MAP3K4: variants seen among roughly 807,000 people sequenced by gnomAD.
MAP3K4 encodes the protein MAP three kinase 1.
In MAP3K4, 67 loss-of-function variants were observed where a neutral mutation model predicts 185.6. That is an observed-to-expected ratio of 0.36 (90% confidence interval 0.30 to 0.44). MAP3K4 has a LOEUF of 0.44. Ranked by LOEUF, MAP3K4 falls within the 20% of genes least tolerant of loss-of-function variation. The pLI is 1.00. For missense variants in MAP3K4, 1,551 were observed against 1,995.1 expected (o/e 0.78, Z 4.24); for synonymous variants, 702 against 710.4 (o/e 0.99, Z 0.19).
At chr6:161,085,957 A>T (rs938077548) in intron 7 of MAP3K4, among the ~76,000 whole-genome samples, 12 of 152,184 alleles carry the variant, frequency 7.9e-5, no homozygotes, top group African/African-American at 2.9e-4. Flanking sequence ...TATTTACACC[A>T]CAGAAATCGG....
At chr6:161,047,227 G>A (rs1783772531) in intron 2 of MAP3K4, among the ~76,000 whole-genome samples, 1 of 149,176 alleles carries the variant, frequency 6.7e-6, no homozygotes. Context: ...GATTGTTTGA[G>A]CCCAGGAATT....
intron 2 of MAP3K4, among the ~76,000 whole-genome samples, chr6:161,038,252 G>A (rs1783275607): frequency 1.3e-5 from 2 of 152,160 alleles, no homozygotes; most frequent in African/African-American, 4.8e-5. Flanking sequence ...TCATCTGGAT[G>A]CACACAGGAG....
intron 1 of MAP3K4, among the ~76,000 whole-genome samples, chr6:161,023,857 A>G (rs972146544): frequency 5.9e-5 from 9 of 152,240 alleles, no homozygotes; most frequent in African/African-American, 1.4e-4. Context: ...TTAGTCTTTT[A>G]TACCTGTACA....
rs971558252 is a variant in MAP3K4 at position 161,053,684 on chromosome 6, C to T, written c.1707+3705C>T. On this transcript the variant is annotated intron_variant, in intron 3 of 26. Transcript: ENST00000392142. This position sits in a 1 kb window ranked among gnomAD's most constrained non-coding sequence, Gnocchi z 4.2. Reference sequence around the variant, plus strand: ...TCGGCTCACTGCAACCTCTGTCTCCCGGGTTCAGGCAATTCTCCTGTCTCA... The same window carrying T: ...TCGGCTCACTGCAACCTCTGTCTCCTGGGTTCAGGCAATTCTCCTGTCTCA... Among the ~76,000 whole-genome samples the T allele has an allele frequency of 6.6e-5, 10 of 150,770 alleles. No homozygotes were observed. Among genetic ancestry groups the T allele is most frequent in the Admixed American group, 1.3e-4 (2 of 15,178 alleles).
At chr6:161,089,222 G>A in intron 10 of MAP3K4, 100 bp from the exon 11 acceptor site, 2 of 1,300,484 alleles carry the variant, frequency 1.5e-6, no homozygotes, top group South Asian at 2.8e-5. Flanking sequence ...TGTTGGCCTG[G>A]TATCCCTGAG....
rs1784013160 is a variant in MAP3K4, at chr6:161,051,784, C to T, written c.1707+1805C>T. Reference sequence around the variant, plus strand: ...TATGCTTTAAATCATCTATAGATTACTTATAATACCTAATACAATGTAAAT... The same window carrying T: ...TATGCTTTAAATCATCTATAGATTATTTATAATACCTAATACAATGTAAAT... On this transcript the variant is annotated intron_variant, in intron 3 of 26. Transcript: ENST00000392142. The surrounding 1 kb of genome is among the most constrained non-coding windows in gnomAD (Gnocchi z 4.2). Among the ~76,000 whole-genome samples, 1 of 152,120 alleles carries T rather than the reference C, an allele frequency of 6.6e-6. No individual in the cohort carries two copies. Among genetic ancestry groups the T allele is most frequent in the Non-Finnish European group, 1.5e-5 (1 of 68,024 alleles).
Position 161,098,349 on chromosome 6 carries a change from C to T in MAP3K4, c.3596C>T (p.Ala1199Val), listed in dbSNP as rs146403419. Residue 1199 changes from alanine to valine, a missense_variant, in exon 17 of 27, where the codon GCT becomes GTT. Physicochemically the swap from Ala to Val is moderately conservative, Grantham distance 64. Around this residue, in one of 16 missense-constraint regions of MAP3K4, gnomAD observed 272 missense variants for 301.2 expected, o/e 0.90. Coordinates refer to ENST00000392142, the MANE Select transcript of MAP3K4 (RefSeq NM_005922.4). This position sits in a 1 kb window ranked among gnomAD's most constrained non-coding sequence, Gnocchi z 4.4. The stretch of plus-strand genomic sequence containing the variant: ...GCTGCTGCTGCTGCTGCTGCTGCTG[C>T]TGTTGCTGCCAGTCGGCCCAGCCCC... Reference protein sequence around the residue: ...PAAAAAAAAAAVAASRPSPSG... With the variant: ...PAAAAAAAAAVVAASRPSPSG... 67 of 1,494,174 alleles carry T rather than the reference C, an allele frequency of 4.5e-5. No individual in the cohort carries two copies. The African/African-American group carries it at 8.7e-4, about 19-fold the overall frequency. 92.6% of individuals were successfully genotyped at this position (1,494,174 alleles called of 1,614,324 possible). A position where few individuals can be genotyped will look rare whatever the true frequency, so the allele number is the denominator to read the frequency against.
chr6:161,089,726 T>C (rs1481147302), intron 11 of MAP3K4, among the ~76,000 whole-genome samples: 2 of 152,262 alleles, frequency 1.3e-5, no homozygotes, highest in Non-Finnish European at 2.9e-5. Context: ...GCTACATGAC[T>C]GGTTAGTGGC....
In MAP3K4 at chr6:161,086,728, G is replaced by A; in HGVS notation, c.2556+61G>A. ...CCTTTCCTTCTTTATTCTAAAACAG[G>A]CAGACTTTTTCTTGAAGGTCCAGAT... On this transcript the variant is annotated intron_variant, in intron 9 of 26. Coordinates refer to ENST00000392142, the MANE Select transcript of MAP3K4 (RefSeq NM_005922.4). This position sits in a 1 kb window ranked among gnomAD's most constrained non-coding sequence, Gnocchi z 4.8. 2 of 1,396,698 alleles carry A rather than the reference G, an allele frequency of 1.4e-6. No homozygotes were observed. Among genetic ancestry groups the A allele is most frequent in the Non-Finnish European group, 1.0e-6 (1 of 999,266 alleles). 86.5% of individuals were successfully genotyped at this position (1,396,698 alleles called of 1,614,324 possible).
Position 161,097,156 on chromosome 6 carries a change from C to G in MAP3K4, c.3504C>G (p.Ile1168Met). The G allele has an allele frequency of 6.2e-7, 1 of 1,614,106 alleles. No homozygotes were observed. Among genetic ancestry groups the G allele is most frequent in the East Asian group, 2.2e-5 (1 of 44,878 alleles). The change falls in exon 16 of 27, where the codon ATC becomes ATG. Residue 1168 changes from isoleucine to methionine, a missense_variant. By Grantham distance (10) the Ile-to-Met change is conservative (BLOSUM62 1). Around this residue, in one of 16 missense-constraint regions of MAP3K4, gnomAD observed 272 missense variants for 301.2 expected, o/e 0.90. Transcript: ENST00000392142. The surrounding 1 kb of genome is among the most constrained non-coding windows in gnomAD (Gnocchi z 4.9). Reference sequence around the variant, plus strand: ...ACCCTCCTAACCCACACCTCATTATCCCCACTCCAGAGGGATTCAGGTATT... The same window carrying G: ...ACCCTCCTAACCCACACCTCATTATGCCCACTCCAGAGGGATTCAGGTATT... ...HSDPPNPHLIIPTPEGFSTRS... is the reference protein window; with the variant it reads ...HSDPPNPHLIMPTPEGFSTRS...
At position 161,075,404 on chromosome 6, in the gene MAP3K4, G is replaced by T. The variant is rs139345693; in HGVS notation, c.2097+1792G>T. On this transcript the variant is annotated intron_variant, in intron 5 of 26. Coordinates refer to ENST00000392142, the MANE Select transcript of MAP3K4 (RefSeq NM_005922.4). The surrounding 1 kb of genome is among the most constrained non-coding windows in gnomAD (Gnocchi z 4.3). ...AACTCCTGGGCTCAGTGATCCTCCC[G>T]CCTTGGCCTCCCAAAGTGCTGGGAT... is the stretch of plus-strand genomic sequence containing the variant. 1.3e-5 allele frequency among the ~76,000 whole-genome samples: 2 copies of T among 152,074 alleles called. No individual in the cohort carries two copies. Among genetic ancestry groups the T allele is most frequent in the Non-Finnish European group, 2.9e-5 (2 of 68,004 alleles).
rs763439745 is a variant in MAP3K4, at chr6:161,082,204, G to T, written c.2255+1166G>T. Among the ~76,000 whole-genome samples the T allele has an allele frequency of 5.3e-5, 8 of 151,814 alleles. No individual in the cohort carries two copies. Among genetic ancestry groups the T allele is most frequent in the Admixed American group, 3.3e-4 (5 of 15,236 alleles). On this transcript the variant is annotated intron_variant, in intron 6 of 26. Coordinates refer to ENST00000392142, the MANE Select transcript of MAP3K4 (RefSeq NM_005922.4). This position sits in a 1 kb window ranked among gnomAD's most constrained non-coding sequence, Gnocchi z 4.2. The stretch of plus-strand genomic sequence containing the variant: ...TCTTTGCTTGTCTGTTCAGCTTGGT[G>T]CCCATAGTCAGCCTTTTTAAAAAAG...
intron 2 of MAP3K4, among the ~76,000 whole-genome samples, chr6:161,035,161 TG>T (rs1341635015): frequency 6.6e-6 from 1 of 152,214 alleles, no homozygotes; most frequent in Non-Finnish European, 1.5e-5. Context: ...TGGAATCTTG[TG>T]GTTTTAGAAT....
chr6:161,042,430 C>A (rs1783510347), intron 2 of MAP3K4, among the ~76,000 whole-genome samples: 1 of 152,176 alleles, frequency 6.6e-6, no homozygotes, highest in African/African-American at 2.4e-5. Context: ...TTGATGTAAC[C>A]TACCAGGTAA....
In MAP3K4 at chr6:161,059,285, G is replaced by A. The variant is rs538840801; in HGVS notation, c.1707+9306G>A. 3.3e-5 allele frequency among the ~76,000 whole-genome samples: 5 copies of A among 152,122 alleles called. No homozygotes were observed. In the East Asian group the frequency reaches 5.8e-4, roughly 18 times the overall value. On this transcript the variant is annotated intron_variant, in intron 3 of 26. Coordinates refer to ENST00000392142, the MANE Select transcript of MAP3K4 (RefSeq NM_005922.4). ...TGAGTAGCTGGGATCACAGGCGTGTGCAACCACACCTGGCTAATTTTTTGT... is the reference window on the plus strand; with the variant it reads ...TGAGTAGCTGGGATCACAGGCGTGTACAACCACACCTGGCTAATTTTTTGT...
chr6:161,032,538 A>G (rs1782979213), intron 1 of MAP3K4, among the ~76,000 whole-genome samples: 1 of 152,216 alleles, frequency 6.6e-6, no homozygotes, highest in Non-Finnish European at 1.5e-5. Context: ...AATAGGCAGT[A>G]CAGCTAGGAT....
chr6:161,005,177 T>G (rs1781523729), intron 1 of MAP3K4, among the ~76,000 whole-genome samples: 1 of 151,742 alleles, frequency 6.6e-6, no homozygotes, highest in African/African-American at 2.4e-5. Flanking sequence ...CTCACTCTGT[T>G]GTCCAGGCTG....
At position 160,991,968 on chromosome 6, in the gene MAP3K4, G is replaced by C; in HGVS notation, c.37G>C (p.Ala13Pro). 1 of 1,544,714 alleles carries C rather than the reference G, an allele frequency of 6.5e-7. No homozygotes were observed. Among genetic ancestry groups the C allele is most frequent in the Non-Finnish European group, 8.7e-7 (1 of 1,153,382 alleles). Residue 13 changes from alanine (A) to proline (P), a missense_variant, in exon 1 of 27, where the codon GCC becomes CCC. Ala to Pro is a conservative substitution (Grantham distance 27). Coordinates refer to ENST00000392142, the MANE Select transcript of MAP3K4 (RefSeq NM_005922.4). This position sits in a 1 kb window ranked among gnomAD's most constrained non-coding sequence, Gnocchi z 5.7. The part of the protein sequence containing the change: ...EAAAALVPPP[A>P]FAVTPAAAME... Reference sequence around the variant, plus strand: ...CGCTGCCGCGCTGGTCCCTCCTCCCGCCTTTGCCGTCACGCCTGCCGCCGC... The same window carrying C: ...CGCTGCCGCGCTGGTCCCTCCTCCCCCCTTTGCCGTCACGCCTGCCGCCGC...
chr6:160,997,295 A>G (rs747600120), intron 1 of MAP3K4, among the ~76,000 whole-genome samples: 3 of 152,128 alleles, frequency 2.0e-5, no homozygotes, highest in African/African-American at 7.2e-5. Context: ...ATAGTTTCTC[A>G]GAACAATGTG....
Sources: allele counts gnomAD v4.1 joint callset (sites outside exome capture counted in the v4.1 genomes callset), GRCh38; gene constraint gnomAD v4.1.1; regional missense constraint gnomAD v4.1.1; non-coding constraint Gnocchi (gnomAD v3.1); transcripts MANE v1.5; gene names NCBI Gene and HGNC (gene_info 2026-07-23, HGNC 2026-07-21).